The following HNF1B variants were observed in gnomAD, a reference collection of about 807,000 sequenced individuals.
HNF1B encodes HNF1 homeobox B.
Under a neutral mutation model 61.7 loss-of-function variants are expected in HNF1B, and 8 were observed. The observed-to-expected ratio is 0.13, with a 90% CI of 0.08 to 0.23. The LOEUF is 0.23. Ranked by LOEUF, HNF1B falls within the 10% of genes least tolerant of loss-of-function variation. HNF1B has a pLI of 1.00. For missense variants in HNF1B, 562 were observed against 714.5 expected (o/e 0.79, Z 2.43); for synonymous variants, 314 against 287.7 (o/e 1.09, Z -0.93).
chr17:37,718,302 C>T (rs778234062), intron 4 of HNF1B, among the ~76,000 whole-genome samples: 21 of 152,198 alleles, frequency 1.4e-4, no homozygotes, highest in Non-Finnish European at 2.6e-4. Flanking sequence ...TGGGCCACCA[C>T]GCCTCATCCT....
Position 37,699,110 on chromosome 17 carries a change from A to G in HNF1B, c.1619T>C (p.Ile540Thr). 1.9e-6 allele frequency: 3 copies of G among 1,613,962 alleles called. No homozygotes were observed. Among genetic ancestry groups the G allele is most frequent in the Non-Finnish European group, 2.5e-6 (3 of 1,179,900 alleles). The change falls in exon 8 of 9, where the codon ATC becomes ACC. Residue 540 changes from isoleucine to threonine, a missense_variant. Around this residue, in one of 6 missense-constraint regions of HNF1B, gnomAD observed 64 missense variants for 96.9 expected, o/e 0.66. Transcript: ENST00000617811. ...SAMVVTDTSS[I>T]STLTNMSSSK... Reference sequence around the variant, plus strand: ...TGAAGACATGTTGGTGAGTGTACTGATGCTGCTGGTATCTGTGACCACCAT... The same window carrying G: ...TGAAGACATGTTGGTGAGTGTACTGGTGCTGCTGGTATCTGTGACCACCAT...
At chr17:37,710,476 G>A (rs1327674281) in intron 5 of HNF1B, 27 bp downstream of exon 5, 10 of 1,613,626 alleles carry the variant, frequency 6.2e-6, no homozygotes, top group Non-Finnish European at 7.6e-6. Context: ...ATCAGCTCCA[G>A]AGCGACAATG....
intron 4 of HNF1B, 22 bp from the exon 5 acceptor site, chr17:37,710,685 G>C: frequency 6.2e-7 from 1 of 1,609,246 alleles, no homozygotes; most frequent in Non-Finnish European, 8.5e-7. Context: ...CACAAACCCA[G>C]TAGGGAACAT....
rs1158641130 is a variant in HNF1B, at chr17:37,687,268, G to A, written c.*104C>T. On this transcript the variant is annotated 3_prime_UTR_variant, in exon 9 of 9. Transcript: ENST00000617811. ...TCAGGTAAGCAGGGACCTCTCGCAG[G>A]TGCTGGTCAGGTCACTGGGCTTTTC... 1 of 1,593,434 alleles carries A rather than the reference G, an allele frequency of 6.3e-7. No individual in the cohort carries two copies. Among genetic ancestry groups the A allele is most frequent in the African/African-American group, 1.3e-5 (1 of 74,448 alleles).
rs554957232 is a variant in HNF1B, at chr17:37,720,832, C to T, written c.1046-10169G>A. On this transcript the variant is annotated intron_variant, in intron 4 of 8. Coordinates refer to ENST00000617811, the MANE Select transcript of HNF1B (RefSeq NM_000458.4). ...GAGACTTCAGGGACCTTCTTCTTCA[C>T]GGTGAGATTGAAGTTTACAGGTAGG... 34 of 985,310 alleles carry T rather than the reference C, an allele frequency of 3.5e-5. No homozygotes were observed. In the South Asian group the frequency reaches 3.8e-4, roughly 11 times the overall value. The allele number at this position is 985,310 out of a possible 1,614,324, so 61.0% of individuals were successfully genotyped here.
At chr17:37,700,910 G>A in intron 7 of HNF1B, 73 bp downstream of exon 7, 1 of 1,390,628 alleles carries the variant, frequency 7.2e-7, no homozygotes, top group Non-Finnish European at 9.9e-7. Flanking sequence ...AGAAAGTTCA[G>A]ACCCAGAGAG....
intron 8 of HNF1B, among the ~76,000 whole-genome samples, chr17:37,691,784 C>T (rs959450778): frequency 2.6e-5 from 4 of 152,200 alleles, no homozygotes; most frequent in African/African-American, 9.6e-5. Flanking sequence ...CAGGTCGATG[C>T]TCCCAACCAT....
Position 37,733,473 on chromosome 17 carries a change from T to G in HNF1B, c.809+84A>C. The G allele has an allele frequency of 2.0e-6, 3 of 1,465,666 alleles. No individual in the cohort carries two copies. In the South Asian group the frequency reaches 3.4e-5, roughly 17 times the overall value. The allele number at this position is 1,465,666 out of a possible 1,614,324, so 90.8% of individuals were successfully genotyped here. ...TAGCCACACTTATCTGTATAACTAG[T>G]GTCTCAATATCCCAGGACCGAGGGG... On this transcript the variant is annotated intron_variant, in intron 3 of 8. Transcript: ENST00000617811.
At chr17:37,737,891 C>T (rs2033880800) in intron 2 of HNF1B, among the ~76,000 whole-genome samples, 1 of 152,130 alleles carries the variant, frequency 6.6e-6, no homozygotes, top group African/African-American at 2.4e-5. Context: ...ACAACAATCT[C>T]TTGAAGAGGC....
intron 4 of HNF1B, chr17:37,729,725 T>C (rs750439169): frequency 2.6e-5 from 4 of 152,286 alleles, no homozygotes; most frequent in Non-Finnish European, 5.9e-5. Context: ...TGGGAAAGTA[T>C]GGAGTGGGAA....
chr17:37,710,685 G>A (rs745675698), intron 4 of HNF1B, 22 bp from the exon 5 acceptor site: 1 of 1,609,246 alleles, frequency 6.2e-7, no homozygotes, highest in Non-Finnish European at 8.5e-7. Flanking sequence ...CACAAACCCA[G>A]TAGGGAACAT....
chr17:37,734,377 T>C (rs1297633738), intron 2 of HNF1B, among the ~76,000 whole-genome samples: 3 of 152,216 alleles, frequency 2.0e-5, no homozygotes, highest in South Asian at 2.1e-4. Context: ...GAGCTTTGTA[T>C]TGGAAAAAGA....
chr17:37,743,684 G>C (rs2034072516), intron 1 of HNF1B, among the ~76,000 whole-genome samples: 1 of 152,228 alleles, frequency 6.6e-6, no homozygotes, highest in African/African-American at 2.4e-5. Context: ...TTAGTAACCA[G>C]CTGTCAAAGT....
chr17:37,709,944 C>T (rs1273134130), intron 5 of HNF1B, among the ~76,000 whole-genome samples: 1 of 152,178 alleles, frequency 6.6e-6, no homozygotes, highest in East Asian at 1.9e-4. Context: ...TAAGCATCGC[C>T]CCACCCCATC....
intron 4 of HNF1B, among the ~76,000 whole-genome samples, chr17:37,720,084 C>A (rs1432418737): frequency 6.6e-6 from 1 of 152,174 alleles, no homozygotes; most frequent in East Asian, 1.9e-4. Flanking sequence ...GAGATAGGAG[C>A]ACCAGCCAAG....
chr17:37,704,019 A>G (rs2032657504), intron 6 of HNF1B, among the ~76,000 whole-genome samples: 1 of 152,258 alleles, frequency 6.6e-6, no homozygotes, highest in Admixed American at 6.5e-5. Context: ...AAAGATGACC[A>G]ATGTGTTACC....
At chr17:37,708,028 C>G (rs1388020320) in intron 5 of HNF1B, among the ~76,000 whole-genome samples, 1 of 152,192 alleles carries the variant, frequency 6.6e-6, no homozygotes, top group Admixed American at 6.5e-5. Flanking sequence ...AAGCAATCTT[C>G]ACACCAACCC....
chr17:37,743,800 A>C (rs1320645106), intron 1 of HNF1B, among the ~76,000 whole-genome samples: 1 of 152,200 alleles, frequency 6.6e-6, no homozygotes, highest in Non-Finnish European at 1.5e-5. Flanking sequence ...GAGGTCTGGA[A>C]ACGCCCTCCT....
chr17:37,701,214 T>C, intron 6 of HNF1B, 37 bp from the exon 7 acceptor site: 1 of 1,539,726 alleles, frequency 6.5e-7, no homozygotes, highest in Non-Finnish European at 8.8e-7. Context: ...AGACAGCTCC[T>C]GGGATAAGGA....
Sources: gnomAD v4.1 joint callset for allele counts (sites outside exome capture counted in the v4.1 genomes callset) on GRCh38, gnomAD v4.1.1 for gene constraint, gnomAD v4.1.1 regional missense constraint, MANE v1.5 for transcripts, NCBI Gene and HGNC (gene_info 2026-07-23, HGNC 2026-07-21) for gene names.